ANKRD18A: variants seen among roughly 807,000 people sequenced by gnomAD.
ANKRD18A encodes ankyrin repeat domain-containing protein 18A.
ANKRD18A carries 72 observed loss-of-function variants against 110.6 expected under a neutral mutation model. The observed-to-expected ratio is 0.65, with a 90% confidence interval of 0.54 to 0.79. The LOEUF (loss-of-function observed/expected upper bound fraction) is 0.79, where lower values mean the gene tolerates loss of function less well. Among genes scored for constraint, ANKRD18A ranks in the 30% least tolerant of loss-of-function variants. ANKRD18A has a pLI of 0.00. For synonymous variants in ANKRD18A, 305 were observed against 410.3 expected (o/e 0.74, Z 3.10); for missense variants, 934 against 1,163.3 (o/e 0.80, Z 2.87).
At chr9:38,572,273 G>A in intron 15 of ANKRD18A, 1 of 396,692 alleles carries the variant, frequency 2.5e-6, no homozygotes, top group South Asian at 3.2e-5. Flanking sequence ...CTTCATTCAT[G>A]TACTCAACAG....
chr9:38,595,725 G>A lies in ANKRD18A; in HGVS notation c.1615C>T (p.Gln539Ter). 6.4e-7 allele frequency: 1 copy of A among 1,551,310 alleles called. No homozygotes were observed. The highest frequency in any genetic ancestry group is 8.7e-7 in the Non-Finnish European group (1 of 1,146,702). The change falls in exon 9 of 16, where the codon CAG becomes TAG. Residue 539 changes from glutamine (Q) to a stop codon, truncating the protein, a stop_gained. Coordinates refer to ENST00000399703, the MANE Select transcript of ANKRD18A (RefSeq NM_147195.4). LOFTEE classifies it high-confidence loss of function. ...CGTATTCTCTCCTCTAAAGAGTTCT[G>A]CTTTCCAATGGATTGACTTTCTTTA... The part of the protein sequence containing the change: ...EAKESQSIGK[Q>*]NSLEERIRQQ...
chr9:38,595,741 A>AC lies in ANKRD18A; in HGVS notation c.1598dup (p.Ser533ArgfsTer20), dbSNP rs2118781133. 1 of 1,551,334 alleles carries AC rather than the reference A, an allele frequency of 6.4e-7. No homozygotes were observed. Among genetic ancestry groups the AC allele is most frequent in the African/African-American group, 1.4e-5 (1 of 73,100 alleles). On this transcript the variant is annotated frameshift_variant, in exon 9 of 16. Coordinates refer to ENST00000399703, the MANE Select transcript of ANKRD18A (RefSeq NM_147195.4). LOFTEE classifies it high-confidence loss of function. ...AAGAGTTCTGCTTTCCAATGGATTG[A>AC]CTTTCTTTAGCTTCTCCATTTGGAT...
chr9:38,596,002 T>C lies in ANKRD18A; in HGVS notation c.1338A>G (p.Leu446=). ...IVERKDLELV[L]WRADDVSRHE... is the part of the protein sequence containing the mutation. ...GTCTAGAAACATCATCTGCTCTCCA[T>C]AAAACTAGTTCTAGGTCTTTTCTTT... The change falls in exon 9 of 16, where the codon TTA becomes TTG. Residue 446 remains leucine (L), a synonymous_variant. Transcript: ENST00000399703. 1 of 1,550,142 alleles carries C rather than the reference T, an allele frequency of 6.5e-7. No individual in the cohort carries two copies. Among genetic ancestry groups the C allele is most frequent in the East Asian group, 2.4e-5 (1 of 40,902 alleles).
chr9:38,577,317 T>C, intron 13 of ANKRD18A, 53 bp from the exon 14 acceptor site: 1 of 1,485,918 alleles, frequency 6.7e-7, no homozygotes, highest in Non-Finnish European at 9.0e-7. Context: ...TTAATTACCA[T>C]AGGTTTGTTG....
chr9:38,611,138 G>T, intron 4 of ANKRD18A, 77 bp downstream of exon 4: 1 of 1,464,244 alleles, frequency 6.8e-7, no homozygotes, highest in South Asian at 1.5e-5. Flanking sequence ...TAACATTTCT[G>T]ACTTGAGTGA....
In ANKRD18A at chr9:38,620,129, A is replaced by T; in HGVS notation, c.157T>A (p.Cys53Ser). The T allele has an allele frequency of 1.3e-6, 2 of 1,568,998 alleles. No individual in the cohort carries two copies. The highest frequency in any genetic ancestry group is 1.7e-6 in the Non-Finnish European group (2 of 1,157,020). ...AAGTCCCGGAACCTGCGCGTCAGGC[A>T]GCGCTCCACCTCCGCGGCGTCGCCC... ...IKGDAAEVER[C>S]LTRRFRDLDA... Residue 53 changes from cysteine (C) to serine (S), a missense_variant, in exon 1 of 16, where the codon TGC becomes AGC. By Grantham distance (112) the Cys-to-Ser change is moderately radical. Coordinates refer to ENST00000399703, the MANE Select transcript of ANKRD18A (RefSeq NM_147195.4).
chr9:38,575,140 G>A (rs1823826298), intron 15 of ANKRD18A, among the ~76,000 whole-genome samples: 1 of 150,154 alleles, frequency 6.7e-6, no homozygotes, highest in South Asian at 2.1e-4. Flanking sequence ...CTACAATCAA[G>A]TAGAGTAAGA....
At chr9:38,609,680 T>C (rs1825519809) in intron 5 of ANKRD18A, among the ~76,000 whole-genome samples, 1 of 151,772 alleles carries the variant, frequency 6.6e-6, no homozygotes, top group South Asian at 2.1e-4. Flanking sequence ...AATGGCCTTT[T>C]CCCCTCTTCT....
intron 10 of ANKRD18A, among the ~76,000 whole-genome samples, chr9:38,589,167 CCT>C (rs1824521443): frequency 1.3e-5 from 2 of 152,182 alleles, no homozygotes; most frequent in South Asian, 4.1e-4. Context: ...TCGGTTTTTC[CCT>C]GTCTATTAAC....
intron 8 of ANKRD18A, among the ~76,000 whole-genome samples, chr9:38,599,089 TTTC>T (rs552725793): frequency 4.6e-5 from 7 of 152,232 alleles, no homozygotes; most frequent in East Asian, 3.8e-4. Context: ...AACAATTCTC[TTTC>T]TTCTTCTTCT....
In ANKRD18A at chr9:38,596,027, T is replaced by A. The variant is rs1253576133; in HGVS notation, c.1313A>T (p.Glu438Val). Residue 438 changes from glutamate to valine, a missense_variant, in exon 9 of 16, where the codon GAA becomes GTA. Physicochemically the swap from Glu to Val is moderately radical, Grantham distance 121. This residue lies in a region of ANKRD18A where 630 missense variants were observed against 797.5 expected (regional missense o/e 0.79). Coordinates refer to ENST00000399703, the MANE Select transcript of ANKRD18A (RefSeq NM_147195.4). ...TAINEYNEIV[E>V]RKDLELVLWR... ...TAAAACTAGTTCTAGGTCTTTTCTTTCCACAATTTCATTGTACTCATTTAT... is the reference window on the plus strand; with the variant it reads ...TAAAACTAGTTCTAGGTCTTTTCTTACCACAATTTCATTGTACTCATTTAT... 1.9e-6 allele frequency: 3 copies of A among 1,549,968 alleles called. No individual in the cohort carries two copies. The African/African-American group carries it at 4.1e-5, about 21-fold the overall frequency.
At chr9:38,611,073 C>A in intron 4 of ANKRD18A, 142 bp downstream of exon 4, 1 of 1,406,956 alleles carries the variant, frequency 7.1e-7, no homozygotes, top group Non-Finnish European at 9.3e-7. Flanking sequence ...TCTTTTCTAC[C>A]TGATTATTCA....
In ANKRD18A at chr9:38,620,164, G is replaced by A. The variant is rs1826028203; in HGVS notation, c.122C>T (p.Ala41Val). 2 of 1,568,640 alleles carry A rather than the reference G, an allele frequency of 1.3e-6. No homozygotes were observed. The highest frequency in any genetic ancestry group is 1.4e-5 in the African/African-American group (1 of 73,866). Residue 41 changes from alanine (A) to valine (V), a missense_variant, in exon 1 of 16, where the codon GCT (alanine) becomes GTT (valine). By Grantham distance (64) the Ala-to-Val change is moderately conservative. Transcript: ENST00000399703. ...CTCCGCGGCGTCGCCCTTGATGGCA[G>A]CCCTGTGGATCTTCCGCAGTTCCCA... ...RDWELRKIHRAAIKGDAAEVE... is the reference protein window; with the variant it reads ...RDWELRKIHRVAIKGDAAEVE...
At chr9:38,620,016 TGCCGGGCTGCAGGGAA>T in intron 1 of ANKRD18A, 48 bp downstream of exon 1, 1 of 1,533,756 alleles carries the variant, frequency 6.5e-7, no homozygotes, top group East Asian at 2.5e-5. Flanking sequence ...CCCCAGGGGC[TGCCGGGCTGCAGGGAA>T]GCCGGGCCTG....
intron 5 of ANKRD18A, among the ~76,000 whole-genome samples, chr9:38,609,771 A>C (rs1427831678): frequency 6.6e-6 from 1 of 152,030 alleles, no homozygotes; most frequent in Non-Finnish European, 1.5e-5. Flanking sequence ...AGGAAGGCAT[A>C]GGAGGTAGCC....
intron 8 of ANKRD18A, among the ~76,000 whole-genome samples, chr9:38,599,323 G>C (rs1005440089): frequency 2.0e-5 from 3 of 152,158 alleles, no homozygotes; most frequent in Non-Finnish European, 2.9e-5. Flanking sequence ...CACCATCAGG[G>C]ATAGGATTCA....
chr9:38,584,067 G>GT (rs1824272892), intron 12 of ANKRD18A, among the ~76,000 whole-genome samples: 1 of 152,202 alleles, frequency 6.6e-6, no homozygotes, highest in African/African-American at 2.4e-5. Context: ...CAGCTCCTGT[G>GT]TGCCTGTCCT....
chr9:38,601,740 C>T (rs1451786532), intron 7 of ANKRD18A, among the ~76,000 whole-genome samples: 2 of 152,032 alleles, frequency 1.3e-5, no homozygotes, highest in Non-Finnish European at 2.9e-5. Flanking sequence ...CCTGTAATCC[C>T]AGCACTTTGG....
chr9:38,603,103 T>C (rs1825197573), intron 7 of ANKRD18A, 56 bp downstream of exon 7: 1 of 1,528,832 alleles, frequency 6.5e-7, no homozygotes. Context: ...GGCTGAAGCT[T>C]CCCTTGTCTC....
Sources: gnomAD v4.1 joint callset for allele counts (sites outside exome capture counted in the v4.1 genomes callset) on GRCh38, gnomAD v4.1.1 for gene constraint, gnomAD v4.1.1 regional missense constraint, MANE v1.5 for transcripts, NCBI Gene and HGNC (gene_info 2026-07-23, HGNC 2026-07-21) for gene names.